FTO: variants seen among roughly 807,000 people sequenced by gnomAD.
FTO encodes the protein alpha-ketoglutarate-dependent dioxygenase FTO.
Under a neutral mutation model 63.9 loss-of-function variants are expected in FTO, and 47 were observed. The observed-to-expected ratio is 0.74, with a 90% CI of 0.58 to 0.94. The LOEUF (loss-of-function observed/expected upper bound fraction) is 0.94, where lower values mean the gene tolerates loss of function less well. Ranked by LOEUF, FTO falls within the 40% of genes least tolerant of loss-of-function variation. The pLI, the probability that FTO is intolerant of heterozygous loss-of-function variation, is 0.00. For missense variants in FTO, 562 were observed against 618.1 expected (o/e 0.91, Z 0.96); for synonymous variants, 207 against 224.4 (o/e 0.92, Z 0.69).
intron 1 of FTO, among the ~76,000 whole-genome samples, chr16:53,712,691 T>G (rs915119377): frequency 6.6e-6 from 1 of 152,220 alleles, no homozygotes; most frequent in Admixed American, 6.5e-5. Flanking sequence ...TCCTTGAAGA[T>G]AGCATTTGTG....
At chr16:53,976,486 G>C (rs28478013) in intron 8 of FTO, among the ~76,000 whole-genome samples, 13,355 of 151,768 alleles carry the variant, frequency 0.088, 652 homozygotes, top group African/African-American at 0.1. Context: ...CCAAAACTTT[G>C]TGTGTTTTTA....
At chr16:54,101,931 T>G (rs1431818513) in intron 8 of FTO, among the ~76,000 whole-genome samples, 6 of 152,230 alleles carry the variant, frequency 3.9e-5, no homozygotes, top group Admixed American at 1.3e-4. Context: ...TGAGCTTTCT[T>G]TCATATGCTA....
intron 1 of FTO, among the ~76,000 whole-genome samples, chr16:53,751,304 A>G (rs1219954029): frequency 1.3e-5 from 2 of 152,104 alleles, no homozygotes; most frequent in African/African-American, 4.8e-5. Context: ...TAAAAATACA[A>G]AAAATTAGCC....
At chr16:53,852,045 C>T (rs551732809) in intron 4 of FTO, among the ~76,000 whole-genome samples, 3 of 142,218 alleles carry the variant, frequency 2.1e-5, no homozygotes, top group Non-Finnish European at 3.0e-5. Flanking sequence ...TGCTGGAGCC[C>T]GGAAGTTTGA....
intron 8 of FTO, among the ~76,000 whole-genome samples, chr16:53,982,404 G>A (rs2083566931): frequency 6.6e-6 from 1 of 152,062 alleles, no homozygotes; most frequent in East Asian, 1.9e-4. Context: ...TAGGCCTTTT[G>A]TTCACAGAAC....
At chr16:53,976,874 T>C (rs2083447784) in intron 8 of FTO, among the ~76,000 whole-genome samples, 1 of 152,174 alleles carries the variant, frequency 6.6e-6, no homozygotes, top group African/African-American at 2.4e-5. Context: ...CCTTACTAAA[T>C]TTTATTAGTT....
chr16:53,916,296 T>C (rs1455733578), intron 7 of FTO, among the ~76,000 whole-genome samples: 1 of 152,206 alleles, frequency 6.6e-6, no homozygotes, highest in Admixed American at 6.5e-5. Context: ...TATTACTGCT[T>C]ATGATGAAGG....
intron 1 of FTO, among the ~76,000 whole-genome samples, chr16:53,755,361 C>T (rs1029268673): frequency 2.6e-5 from 4 of 152,056 alleles, no homozygotes; most frequent in African/African-American, 9.7e-5. Context: ...GAGTCAGAGG[C>T]CTAGGACTCT....
At chr16:53,855,695 A>G (rs1402425976) in intron 4 of FTO, among the ~76,000 whole-genome samples, 3 of 152,244 alleles carry the variant, frequency 2.0e-5, no homozygotes, top group Non-Finnish European at 4.4e-5. Context: ...TACCAGAGAC[A>G]GAATTTAGAA....
chr16:53,935,941 A>G (rs2082381736), intron 8 of FTO: 1 of 152,202 alleles, frequency 6.6e-6, no homozygotes, highest in Non-Finnish European at 1.5e-5. Flanking sequence ...AGGAAGAAAG[A>G]ATTTCCCTGT....
At chr16:53,866,666 A>G (rs528280762) in intron 4 of FTO, among the ~76,000 whole-genome samples, 4 of 152,238 alleles carry the variant, frequency 2.6e-5, no homozygotes, top group African/African-American at 9.6e-5. Flanking sequence ...ATAACTATTG[A>G]CATCATTTTA....
chr16:54,074,964 T>C (rs1251837944), intron 8 of FTO, among the ~76,000 whole-genome samples: 1 of 145,194 alleles, frequency 6.9e-6, no homozygotes, highest in African/African-American at 2.7e-5. Flanking sequence ...GTAAACTGTT[T>C]TAGTTTGATA....
chr16:54,085,597 T>C (rs1567562382), intron 8 of FTO, among the ~76,000 whole-genome samples: 1 of 152,174 alleles, frequency 6.6e-6, no homozygotes, highest in East Asian at 1.9e-4. Flanking sequence ...ATGAAGGATA[T>C]ATAATTCATA....
chr16:53,711,081 A>G (rs2075762265), intron 1 of FTO, among the ~76,000 whole-genome samples: 2 of 151,416 alleles, frequency 1.3e-5, no homozygotes, highest in Non-Finnish European at 2.9e-5. Context: ...AAAAATAAAC[A>G]TTGTTATCAT....
At chr16:54,001,900 G>A (rs932501646) in intron 8 of FTO, among the ~76,000 whole-genome samples, 6 of 152,170 alleles carry the variant, frequency 3.9e-5, no homozygotes, top group East Asian at 1.9e-4. Flanking sequence ...CTCAGAAAAC[G>A]TGCAAGCCAC....
intron 7 of FTO, among the ~76,000 whole-genome samples, chr16:53,901,946 A>T (rs963565318): frequency 5.1e-4 from 78 of 152,230 alleles, no homozygotes; most frequent in Middle Eastern, 3.4e-3. Context: ...TATTCTCCTT[A>T]AATGATAGTG....
In FTO at chr16:53,837,022, A is replaced by AT. The variant is rs950445726; in HGVS notation, c.752-7132dup. ...CCTGTGAGTCTCCACAACTCTCTTT[A>AT]TACCTTCCTGAGGTTACCCAAGGAA... On this transcript the variant is annotated intron_variant, in intron 3 of 8. Transcript: ENST00000471389. Among the ~76,000 whole-genome samples the AT allele has an allele frequency of 7.8e-4, 119 of 152,310 alleles. 1 individual carries two copies. Among genetic ancestry groups the AT allele is most frequent in the African/African-American group, 2.8e-3 (117 of 41,572 alleles).
At chr16:53,919,151 A>G (rs972111776) in intron 7 of FTO, among the ~76,000 whole-genome samples, 6 of 152,068 alleles carry the variant, frequency 3.9e-5, no homozygotes, top group Admixed American at 2.6e-4. Context: ...AACCTTTCTG[A>G]GTCTCAGTTT....
chr16:53,955,686 C>T (rs1010843388), intron 8 of FTO, among the ~76,000 whole-genome samples: 4 of 152,138 alleles, frequency 2.6e-5, no homozygotes, highest in Non-Finnish European at 4.4e-5. Context: ...TTCCTCTAAT[C>T]AAGGTTATAG....
Sources: gnomAD v4.1 joint callset for allele counts (sites outside exome capture counted in the v4.1 genomes callset) on GRCh38, gnomAD v4.1.1 for gene constraint, MANE v1.5 for transcripts, NCBI Gene and HGNC (gene_info 2026-07-23, HGNC 2026-07-21) for gene names.